The following RBFOX3 variants were observed in gnomAD, a reference collection of about 807,000 sequenced individuals.
RBFOX3 encodes the protein RNA binding protein fox-1 homolog 3.
Under a neutral mutation model 48.7 loss-of-function variants are expected in RBFOX3, and 17 were observed. That is an observed-to-expected ratio of 0.35 (90% CI 0.24 to 0.52). The LOEUF (loss-of-function observed/expected upper bound fraction) is 0.52, where lower values mean the gene tolerates loss of function less well. Among genes scored for constraint, RBFOX3 ranks in the 20% least tolerant of loss-of-function variants. The probability of loss-of-function intolerance (pLI) is 0.94; values close to 1 mark genes in which losing one functional copy is unlikely to be tolerated. For missense variants in RBFOX3, 382 were observed against 497.5 expected (o/e 0.77, Z 2.21); for synonymous variants, 212 against 209.5 (o/e 1.01, Z -0.10).
chr17:79,322,867 G>GCTGTCTACACAGCCGA (rs1384240730), intron 2 of RBFOX3, among the ~76,000 whole-genome samples: 2 of 152,240 alleles, frequency 1.3e-5, no homozygotes, highest in East Asian at 1.9e-4. Flanking sequence ...TGCCTTCCCA[G>GCTGTCTACACAGCCGA]CTGTCTACAC....
rs1260891828 is a variant in RBFOX3 at position 79,204,218 on chromosome 17, A to G, written c.-34+31548T>C. 6.6e-6 allele frequency among the ~76,000 whole-genome samples: 1 copy of G among 152,222 alleles called. No individual in the cohort carries two copies. The highest frequency in any genetic ancestry group is 1.5e-5 in the Non-Finnish European group (1 of 68,036). On this transcript the variant is annotated intron_variant, in intron 4 of 14. Transcript: ENST00000693108. The surrounding 1 kb of genome is among the most constrained non-coding windows in gnomAD (Gnocchi z 4.5). ...AGGGGGCAACAGCCCCAGCTCAGGA[A>G]GAAAACAGCCACACACCCAAAAAGC...
chr17:79,338,898 T>C (rs1357960390), intron 2 of RBFOX3, among the ~76,000 whole-genome samples: 1 of 152,202 alleles, frequency 6.6e-6, no homozygotes, highest in Non-Finnish European at 1.5e-5. Context: ...CTATTGTTTG[T>C]GTTTGGCTGT....
chr17:79,413,190 C>G (rs568248646), intron 2 of RBFOX3, among the ~76,000 whole-genome samples: 1 of 152,340 alleles, frequency 6.6e-6, no homozygotes, highest in African/African-American at 2.4e-5. Context: ...AGCCCAGACC[C>G]AGCCTCAAGA....
chr17:79,401,803 G>A (rs1008394420), intron 2 of RBFOX3, among the ~76,000 whole-genome samples: 3 of 152,184 alleles, frequency 2.0e-5, no homozygotes, highest in African/African-American at 4.8e-5. Context: ...TCTGACGACC[G>A]GCTCCAGATA....
chr17:79,461,198 C>T (rs2075322038), intron 2 of RBFOX3, among the ~76,000 whole-genome samples: 1 of 152,218 alleles, frequency 6.6e-6, no homozygotes, highest in Admixed American at 6.5e-5. Context: ...AGCGTGATGA[C>T]TAACACATCC....
At chr17:79,505,291 C>T (rs1241090563) in intron 1 of RBFOX3, among the ~76,000 whole-genome samples, 1 of 152,190 alleles carries the variant, frequency 6.6e-6, no homozygotes, top group Non-Finnish European at 1.5e-5. Context: ...AGCCCCATCC[C>T]ACTGCCAGCA....
intron 2 of RBFOX3, among the ~76,000 whole-genome samples, chr17:79,310,944 C>T (rs971493315): frequency 1.3e-5 from 2 of 152,142 alleles, no homozygotes; most frequent in African/African-American, 2.4e-5. Flanking sequence ...CAGTCCAGCA[C>T]GTACCTAGGT....
intron 4 of RBFOX3, among the ~76,000 whole-genome samples, chr17:79,185,737 C>T (rs1357492455): frequency 6.6e-6 from 1 of 152,176 alleles, no homozygotes; most frequent in African/African-American, 2.4e-5. Context: ...AAGCCTCATC[C>T]CCTCCAGAAA....
chr17:79,399,379 C>T (rs1029543751), intron 2 of RBFOX3, among the ~76,000 whole-genome samples: 6 of 152,196 alleles, frequency 3.9e-5, no homozygotes, highest in Non-Finnish European at 7.3e-5. Context: ...GTTTTGCTTC[C>T]GTGCACGGCT....
intron 3 of RBFOX3, among the ~76,000 whole-genome samples, chr17:79,257,773 G>A (rs1458622184): frequency 1.3e-5 from 2 of 152,044 alleles, no homozygotes; most frequent in African/African-American, 4.8e-5. Flanking sequence ...TAGAGACGGG[G>A]TTTCACCATG....
intron 4 of RBFOX3, among the ~76,000 whole-genome samples, chr17:79,231,552 G>A (rs561806302): frequency 2.6e-5 from 4 of 152,142 alleles, no homozygotes; most frequent in Middle Eastern, 3.4e-3. Context: ...AAAATCTGAC[G>A]GAATTGACAC....
chr17:79,517,853 G>A (rs1345186660), intron 1 of RBFOX3, among the ~76,000 whole-genome samples: 6 of 152,234 alleles, frequency 3.9e-5, no homozygotes, highest in Middle Eastern at 3.4e-3. Context: ...GAGCCGCCTC[G>A]CCTGTTCCTG....
rs115322770 is a variant in RBFOX3, at chr17:79,498,847, C to T, written c.-319-16249G>A. Among the ~76,000 whole-genome samples, 1,214 of 146,448 alleles carry T rather than the reference C, an allele frequency of 8.3e-3. 22 individuals carry two copies. Among genetic ancestry groups the T allele is most frequent in the African/African-American group, 0.029 (1,124 of 38,954 alleles). On this transcript the variant is annotated intron_variant, in intron 1 of 14. Transcript: ENST00000693108. ...TCCACTCATGCACCCATCCTTCCACCCACCACATCTACCCATTCGCTCATC... is the reference window on the plus strand; with the variant it reads ...TCCACTCATGCACCCATCCTTCCACTCACCACATCTACCCATTCGCTCATC...
intron 1 of RBFOX3, among the ~76,000 whole-genome samples, chr17:79,506,787 C>T (rs1443743356): frequency 4.6e-5 from 7 of 152,134 alleles, no homozygotes; most frequent in East Asian, 1.9e-4. Flanking sequence ...GGATGGGGGC[C>T]GCAGAGGAGC....
chr17:79,256,507 C>A (rs1416194786), intron 3 of RBFOX3, among the ~76,000 whole-genome samples: 2 of 152,210 alleles, frequency 1.3e-5, no homozygotes, highest in Admixed American at 6.5e-5. Flanking sequence ...TGCAAACCTG[C>A]TCCATTTACT....
At chr17:79,459,096 G>A (rs2149244891) in intron 2 of RBFOX3, among the ~76,000 whole-genome samples, 1 of 152,266 alleles carries the variant, frequency 6.6e-6, no homozygotes, top group East Asian at 1.9e-4. Flanking sequence ...CAGGCACACA[G>A]AACCCCTCCC....
chr17:79,647,973 G>A, the RBFOX3 span, among the ~76,000 whole-genome samples: 3,089 of 151,448 alleles, frequency 0.02, 112 homozygotes, highest in African/African-American at 0.072. Context: ...GCCCACCTGG[G>A]GGTGCAGTGG....
intron 2 of RBFOX3, among the ~76,000 whole-genome samples, chr17:79,339,461 G>A (rs975023424): frequency 7.9e-5 from 12 of 152,332 alleles, no homozygotes; most frequent in African/African-American, 2.2e-4. Flanking sequence ...CCTCACCCAC[G>A]AGCTCAGTAG....
Position 79,266,040 on chromosome 17 carries a change from C to T in RBFOX3, c.-73-30235G>A, listed in dbSNP as rs143047289. ...AGAGCTGACTTTTCCCAGAGGGCTG[C>T]TCACCCGGACCGGGCAGGTGAGACT... On this transcript the variant is annotated intron_variant, in intron 3 of 14. Coordinates refer to ENST00000693108, the MANE Select transcript of RBFOX3 (RefSeq NM_001350451.2). Among the ~76,000 whole-genome samples, 985 of 152,384 alleles carry T rather than the reference C, an allele frequency of 6.5e-3. 13 individuals are homozygous for T. The highest frequency in any genetic ancestry group is 0.022 in the African/African-American group (904 of 41,584).
Sources: allele counts gnomAD v4.1 joint callset (sites outside exome capture counted in the v4.1 genomes callset), GRCh38; gene constraint gnomAD v4.1.1; non-coding constraint Gnocchi (gnomAD v3.1); transcripts MANE v1.5; gene names NCBI Gene and HGNC (gene_info 2026-07-23, HGNC 2026-07-21).